Variants in EBF2 observed in about 807,000 individuals in gnomAD.
EBF2 encodes the protein EBF transcription factor 2, also known as transcription factor COE2.
Under a neutral mutation model 72.8 loss-of-function variants are expected in EBF2, and 21 were observed. That is an observed-to-expected ratio of 0.29 (90% CI 0.20 to 0.42). The LOEUF is 0.42. EBF2 is among the 10% of genes least tolerant of loss of function. The probability of loss-of-function intolerance (pLI) is 1.00; values close to 1 mark genes in which losing one functional copy is unlikely to be tolerated. For missense variants in EBF2, 637 were observed against 731.2 expected, an observed-to-expected ratio of 0.87 and a Z score of 1.49; for synonymous variants, 299 against 274.2, an observed-to-expected ratio of 1.09 and a Z score of -0.89.
intron 6 of EBF2, among the ~76,000 whole-genome samples, chr8:25,980,584 A>G (rs1804344396): frequency 6.6e-6 from 1 of 152,072 alleles, no homozygotes; most frequent in East Asian, 1.9e-4. Flanking sequence ...GGCACCATAG[A>G]CCTTGCTGGG....
chr8:25,980,009 C>T (rs900307516), intron 6 of EBF2, among the ~76,000 whole-genome samples: 2 of 152,082 alleles, frequency 1.3e-5, no homozygotes, highest in African/African-American at 4.8e-5. Flanking sequence ...AAAAAAGCTT[C>T]ATTCTGTGCT....
chr8:25,888,280 G>C lies in EBF2; in HGVS notation c.752-308C>G, dbSNP rs1802725986. On this transcript the variant is annotated intron_variant, in intron 8 of 15. Transcript: ENST00000520164. ...GTTGAAGCCTAGAATTCTGCGGATG[G>C]GCTGCTTTTGAAAGCTGCTGGTCAT... Among the ~76,000 whole-genome samples the C allele has an allele frequency of 5.3e-5, 8 of 152,166 alleles. No individual in the cohort carries two copies. In the South Asian group the frequency reaches 1.7e-3, roughly 31 times the overall value.
chr8:25,889,970 G>T, intron 7 of EBF2, 101 bp from the exon 8 acceptor site: 1 of 938,500 alleles, frequency 1.1e-6, no homozygotes, highest in East Asian at 2.4e-5. Context: ...CTTCCATTTG[G>T]CAAAGGGGAG....
At chr8:26,007,707 T>A (rs1400276807) in intron 6 of EBF2, among the ~76,000 whole-genome samples, 5 of 152,004 alleles carry the variant, frequency 3.3e-5, no homozygotes, top group African/African-American at 4.8e-5. Context: ...GCTGCAATAG[T>A]GGGATCACCC....
At chr8:26,039,405 C>T (rs1057480788) in intron 5 of EBF2, among the ~76,000 whole-genome samples, 1 of 152,150 alleles carries the variant, frequency 6.6e-6, no homozygotes, top group African/African-American at 2.4e-5. Flanking sequence ...CCAGCGGGTC[C>T]TCTCCCTGCC....
chr8:26,004,673 CAAAAAAAAAA>C (rs56848916), intron 6 of EBF2, among the ~76,000 whole-genome samples: 2 of 45,446 alleles, frequency 4.4e-5, no homozygotes, highest in African/African-American at 1.0e-4. Flanking sequence ...AGACTGTCTC[CAAAAAAAAAA>C]AAAAAAAAAA....
chr8:25,970,885 T>G (rs1042530553), intron 6 of EBF2, among the ~76,000 whole-genome samples: 7 of 152,106 alleles, frequency 4.6e-5, no homozygotes, highest in Non-Finnish European at 1.0e-4. Context: ...CAGGCTGGAG[T>G]GCAGTGGCGC....
rs371759537 is a variant in EBF2, at chr8:26,007,407, A to G, written c.551+25678T>C. ...GGAAACTAGAGATGCAATTTGTTTC[A>G]TCATGTTCTCCTGCCAATATTGTCA... On this transcript the variant is annotated intron_variant, in intron 6 of 15. Transcript: ENST00000520164. Among the ~76,000 whole-genome samples, 7 of 152,262 alleles carry G rather than the reference A, an allele frequency of 4.6e-5. No individual in the cohort carries two copies. The East Asian group carries it at 1.4e-3, about 29-fold the overall frequency.
intron 2 of EBF2, 67 bp downstream of exon 2, chr8:26,042,028 G>A (rs1805609325): frequency 6.4e-7 from 1 of 1,566,486 alleles, no homozygotes; most frequent in Non-Finnish European, 8.7e-7. Context: ...AGTGACAGAT[G>A]GAATCTTTAG....
chr8:25,891,833 C>T lies in EBF2; in HGVS notation c.634-1964G>A, dbSNP rs191996285. ...CCTCAAGTGATCCACCTGCCTCGGCCGCCCAAAGTGCTGGGATTACCGAAG... is the reference window on the plus strand; with the variant it reads ...CCTCAAGTGATCCACCTGCCTCGGCTGCCCAAAGTGCTGGGATTACCGAAG... On this transcript the variant is annotated intron_variant, in intron 7 of 15. Coordinates refer to ENST00000520164, the MANE Select transcript of EBF2 (RefSeq NM_022659.4). 1.4e-3 allele frequency among the ~76,000 whole-genome samples: 209 copies of T among 152,242 alleles called. 4 individuals carry two copies. The East Asian group carries it at 0.034, about 25-fold the overall frequency.
chr8:25,921,099 C>T (rs1803300569), intron 6 of EBF2, among the ~76,000 whole-genome samples: 1 of 152,090 alleles, frequency 6.6e-6, no homozygotes, highest in African/African-American at 2.4e-5. Flanking sequence ...AAGAAAGCAC[C>T]TGTAGGCTAA....
rs538188304 is a variant in EBF2, at chr8:25,889,730, T to C, written c.751+22A>G. On this transcript the variant is annotated intron_variant, in intron 8 of 15. Coordinates refer to ENST00000520164, the MANE Select transcript of EBF2 (RefSeq NM_022659.4). ...CGTGGAGAATTTCATGTGTCTGCTA[T>C]GCTGAGCGCAGGCAGCCCTACCTTC... 27 of 1,576,196 alleles carry C rather than the reference T, an allele frequency of 1.7e-5. No homozygotes were observed. In the East Asian group the frequency reaches 2.2e-4, roughly 13 times the overall value.
At chr8:25,847,203 G>T (rs1487775529) in intron 15 of EBF2, among the ~76,000 whole-genome samples, 2 of 152,194 alleles carry the variant, frequency 1.3e-5, no homozygotes, top group Admixed American at 1.3e-4. Context: ...AAGCCTCAAA[G>T]AGTGTGGGCA....
intron 14 of EBF2, among the ~76,000 whole-genome samples, chr8:25,854,585 C>T (rs926950380): frequency 6.6e-6 from 1 of 152,090 alleles, no homozygotes; most frequent in African/African-American, 2.4e-5. Flanking sequence ...CAGAGTGTGC[C>T]ATTTTTCTTT....
At chr8:25,959,746 G>A (rs1252065818) in intron 6 of EBF2, among the ~76,000 whole-genome samples, 1 of 152,006 alleles carries the variant, frequency 6.6e-6, no homozygotes, top group African/African-American at 2.4e-5. Context: ...TTTCCCTCTG[G>A]GTTTCATTGC....
At chr8:25,970,477 A>G (rs544217226) in intron 6 of EBF2, among the ~76,000 whole-genome samples, 16 of 152,192 alleles carry the variant, frequency 1.1e-4, no homozygotes, top group Admixed American at 2.0e-4. Context: ...ATAAAAAAAG[A>G]CCCACAACAA....
At chr8:25,934,600 C>A (rs946054391) in intron 6 of EBF2, among the ~76,000 whole-genome samples, 5 of 152,134 alleles carry the variant, frequency 3.3e-5, no homozygotes, top group Non-Finnish European at 7.3e-5. Context: ...CTAATAGAGG[C>A]GGTCCTGCTG....
rs74939494 is a variant in EBF2, at chr8:25,958,810, A to G, written c.552-50255T>C. 1.2e-3 allele frequency among the ~76,000 whole-genome samples: 177 copies of G among 152,288 alleles called. 2 individuals are homozygous for G. In the East Asian group the frequency reaches 0.028, roughly 24 times the overall value. On this transcript the variant is annotated intron_variant, in intron 6 of 15. Coordinates refer to ENST00000520164, the MANE Select transcript of EBF2 (RefSeq NM_022659.4). ...GAGTGTTTACACTAAGGCCCAGGAG[A>G]ACTTTTCCCCACATATGGTGACCCA... is the stretch of plus-strand genomic sequence containing the variant.
At chr8:25,998,528 G>A (rs1028065793) in intron 6 of EBF2, among the ~76,000 whole-genome samples, 1 of 152,174 alleles carries the variant, frequency 6.6e-6, no homozygotes, top group African/African-American at 2.4e-5. Flanking sequence ...ATCTCCACAT[G>A]GTGATTCAGA....
Sources: gnomAD v4.1 joint callset for allele counts (sites outside exome capture counted in the v4.1 genomes callset) on GRCh38, gnomAD v4.1.1 for gene constraint, MANE v1.5 for transcripts, NCBI Gene and HGNC (gene_info 2026-07-23, HGNC 2026-07-21) for gene names.